The following TJP1 variants were observed in gnomAD, a reference collection of about 807,000 sequenced individuals.
TJP1 encodes the protein tight junction protein ZO-1.
Under a neutral mutation model 194.2 loss-of-function variants are expected in TJP1, and 43 were observed. The observed-to-expected ratio is 0.22, with a 90% CI of 0.17 to 0.29. TJP1 has a LOEUF of 0.29. TJP1 is among the 10% of genes least tolerant of loss of function. The pLI is 1.00. For missense variants in TJP1, 1,971 were observed against 2,185.7 expected, an observed-to-expected ratio of 0.90 and a Z score of 1.96; for synonymous variants, 801 against 779.0, an observed-to-expected ratio of 1.03 and a Z score of -0.47.
chr15:29,946,774 C>T (rs557604921), intron 2 of TJP1, among the ~76,000 whole-genome samples: 3 of 152,322 alleles, frequency 2.0e-5, no homozygotes, highest in East Asian at 3.9e-4. Context: ...AAACCCTTAA[C>T]ATTATGCCAG....
At chr15:29,957,965 A>G (rs1567235470) in intron 1 of TJP1, among the ~76,000 whole-genome samples, 1 of 152,084 alleles carries the variant, frequency 6.6e-6, no homozygotes, top group Non-Finnish European at 1.5e-5. Context: ...CCTTCATTAT[A>G]TTTTTGTCTG....
Position 29,708,878 on chromosome 15 carries a change from T to C in TJP1, c.4531A>G (p.Asn1511Asp), listed in dbSNP as rs778940782. The C allele has an allele frequency of 1.2e-6, 2 of 1,614,182 alleles. No individual in the cohort carries two copies. Among genetic ancestry groups the C allele is most frequent in the Non-Finnish European group, 1.7e-6 (2 of 1,180,044 alleles). Residue 1511 changes from asparagine to aspartate, a missense_variant, in exon 25 of 28, where the codon AAT (asparagine) becomes GAT (aspartate). By Grantham distance (23) the Asn-to-Asp change is conservative. Around this residue, in one of 5 missense-constraint regions of TJP1, gnomAD observed 1,108 missense variants for 1,128.5 expected, o/e 0.98. Transcript: ENST00000614355. ...QKSFPDKAPV[N>D]GTEQTQKTVT... ...GTTTTCTGAGTCTGTTCAGTTCCATTAACTGGGGCTTTATCTGGAAAACTT... is the reference window on the plus strand; with the variant it reads ...GTTTTCTGAGTCTGTTCAGTTCCATCAACTGGGGCTTTATCTGGAAAACTT...
At chr15:29,934,782 CTTATA>C (rs2054829872) in intron 2 of TJP1, among the ~76,000 whole-genome samples, 1 of 152,140 alleles carries the variant, frequency 6.6e-6, no homozygotes, top group Non-Finnish European at 1.5e-5. Context: ...CAAATACAAA[CTTATA>C]TTAGAGACAA....
intron 2 of TJP1, among the ~76,000 whole-genome samples, chr15:29,864,592 C>A (rs2052234309): frequency 6.6e-6 from 1 of 152,122 alleles, no homozygotes; most frequent in Admixed American, 6.6e-5. Flanking sequence ...CCGGGTTCAA[C>A]TGCAAAAGGA....
intron 2 of TJP1, among the ~76,000 whole-genome samples, chr15:29,784,503 C>T (rs541752864): frequency 5.3e-5 from 8 of 152,068 alleles, no homozygotes; most frequent in South Asian, 2.1e-4. Context: ...GGGGTTTCGC[C>T]GTGTTGGCCA....
chr15:29,700,138 G>A (rs924760606), downstream of TJP1: 3 of 397,382 alleles, frequency 7.5e-6, no homozygotes, highest in Non-Finnish European at 8.9e-6. Flanking sequence ...TGGGCAAACA[G>A]ACCAAGCCAG....
At chr15:29,835,047 A>G (rs2152055117) in intron 2 of TJP1, among the ~76,000 whole-genome samples, 1 of 152,252 alleles carries the variant, frequency 6.6e-6, no homozygotes, top group South Asian at 2.1e-4. Flanking sequence ...GAGGAGGGGT[A>G]ATGAGAGGGG....
At chr15:29,776,168 C>T (rs573808221) in intron 2 of TJP1, among the ~76,000 whole-genome samples, 8 of 152,044 alleles carry the variant, frequency 5.3e-5, no homozygotes, top group African/African-American at 1.9e-4. Flanking sequence ...CAAACAAAGG[C>T]CAACACTACA....
intron 8 of TJP1, among the ~76,000 whole-genome samples, chr15:29,753,482 T>TC (rs1283420575): frequency 2.9e-4 from 19 of 65,956 alleles, no homozygotes; most frequent in East Asian, 4.2e-4. Context: ...AGACTCTGTG[T>TC]CAAAAAAAAA....
At chr15:29,875,560 T>C (rs577278862) in intron 2 of TJP1, among the ~76,000 whole-genome samples, 2 of 152,236 alleles carry the variant, frequency 1.3e-5, no homozygotes, top group African/African-American at 4.8e-5. Context: ...TGGTTCTTCA[T>C]ATTTTTTTAT....
chr15:29,833,875 ATATATATTTT>A (rs201786179), intron 2 of TJP1, among the ~76,000 whole-genome samples: 90 of 16,548 alleles, frequency 5.4e-3, no homozygotes, highest in African/African-American at 0.016. Flanking sequence ...ATATATATAT[ATATATATTTT>A]TTTTTTTTTT....
At chr15:29,857,106 A>T (rs1292926200) in intron 2 of TJP1, among the ~76,000 whole-genome samples, 1 of 152,160 alleles carries the variant, frequency 6.6e-6, no homozygotes, top group East Asian at 1.9e-4. Flanking sequence ...GGGTCCTGGG[A>T]CAATCCCCCA....
At chr15:29,863,010 C>T (rs2052150849) in intron 2 of TJP1, among the ~76,000 whole-genome samples, 1 of 150,594 alleles carries the variant, frequency 6.6e-6, no homozygotes. Flanking sequence ...AATCTGATTG[C>T]TTGTCTGGGC....
chr15:29,708,500 A>G lies in TJP1; in HGVS notation c.4850+59T>C. On this transcript the variant is annotated intron_variant, in intron 25 of 27. Transcript: ENST00000614355. ...AAAGTCCCAAGTCAAATAAACTACA[A>G]CAAACTCACATGAGAAAAATCACAG... 3 of 1,380,380 alleles carry G rather than the reference A, an allele frequency of 2.2e-6. No homozygotes were observed. In the South Asian group the frequency reaches 3.8e-5, roughly 18 times the overall value. 85.5% of individuals were successfully genotyped at this position (1,380,380 alleles called of 1,614,324 possible). A position where few individuals can be genotyped will look rare whatever the true frequency, so the allele number is the denominator to read the frequency against.
intron 1 of TJP1, among the ~76,000 whole-genome samples, chr15:29,967,782 G>A (rs2056382857): frequency 6.6e-6 from 1 of 152,100 alleles, no homozygotes; most frequent in Non-Finnish European, 1.5e-5. Flanking sequence ...ACAACCTTAG[G>A]ATTAAATTAG....
Position 29,853,726 on chromosome 15 carries a change from A to G in TJP1, c.307-53024T>C, listed in dbSNP as rs111454595. Among the ~76,000 whole-genome samples the G allele has an allele frequency of 3.6e-3, 545 of 152,328 alleles. 2 individuals are homozygous for G. The highest frequency in any genetic ancestry group is 0.013 in the African/African-American group (525 of 41,570). Reference sequence around the variant, plus strand: ...TATCTAAAGTAAAATAAATACAAGCATAGTTTTTAAAATTTCAAAGCTCTA... The same window carrying G: ...TATCTAAAGTAAAATAAATACAAGCGTAGTTTTTAAAATTTCAAAGCTCTA... On this transcript the variant is annotated intron_variant, in intron 2 of 28. Coordinates refer to the TJP1 transcript ENST00000356107.
intron 2 of TJP1, among the ~76,000 whole-genome samples, chr15:29,794,061 T>C (rs1160814680): frequency 6.6e-6 from 1 of 152,230 alleles, no homozygotes; most frequent in African/African-American, 2.4e-5. Context: ...AAATGTTTGG[T>C]AGAGTTCAGC....
At chr15:29,903,054 T>C (rs988614534) in intron 2 of TJP1, among the ~76,000 whole-genome samples, 1 of 152,002 alleles carries the variant, frequency 6.6e-6, no homozygotes, top group African/African-American at 2.4e-5. Flanking sequence ...GCCCAGCCTC[T>C]ATAAACAAAA....
At chr15:29,768,734 C>G (rs994793870) in intron 4 of TJP1, among the ~76,000 whole-genome samples, 1 of 152,106 alleles carries the variant, frequency 6.6e-6, no homozygotes, top group Non-Finnish European at 1.5e-5. Flanking sequence ...TATTGTGATT[C>G]TCTACTTATG....
Sources: gnomAD v4.1 joint callset for allele counts (sites outside exome capture counted in the v4.1 genomes callset) on GRCh38, gnomAD v4.1.1 for gene constraint, gnomAD v4.1.1 regional missense constraint, MANE v1.5 for transcripts, NCBI Gene and HGNC (gene_info 2026-07-23, HGNC 2026-07-21) for gene names.